Variants in DLG2 observed in about 807,000 individuals in gnomAD.
DLG2 encodes the protein discs large MAGUK scaffold protein 2.
A neutral mutation model predicts 132.5 loss-of-function variants in DLG2; 45 were observed. The observed-to-expected ratio is 0.34, with a 90% confidence interval of 0.27 to 0.44. The LOEUF (loss-of-function observed/expected upper bound fraction) is 0.44. Among genes scored for constraint, DLG2 ranks in the 20% least tolerant of loss-of-function variants. The pLI is 1.00. For synonymous variants in DLG2, 424 were observed against 419.6 expected, an observed-to-expected ratio of 1.01 and a Z score of -0.13; for missense variants, 1,045 against 1,196.9, an observed-to-expected ratio of 0.87 and a Z score of 1.87.
chr11:84,501,966 C>T (rs1356218186), intron 7 of DLG2, among the ~76,000 whole-genome samples: 1 of 152,092 alleles, frequency 6.6e-6, no homozygotes, highest in Non-Finnish European at 1.5e-5. Context: ...GAACCTTGGG[C>T]TGTACACCCC....
At chr11:84,391,572 T>C (rs924745871) in intron 7 of DLG2, among the ~76,000 whole-genome samples, 1 of 152,164 alleles carries the variant, frequency 6.6e-6, no homozygotes, top group African/African-American at 2.4e-5. Flanking sequence ...AATTCAAGCA[T>C]AACTGAAAGT....
intron 8 of DLG2, among the ~76,000 whole-genome samples, chr11:84,194,535 C>T (rs2096478616): frequency 6.6e-6 from 1 of 152,192 alleles, no homozygotes; most frequent in East Asian, 1.9e-4. Context: ...TGCTTTTATT[C>T]CCTTATCTGG....
chr11:83,758,346 C>T (rs2093742214), intron 18 of DLG2, among the ~76,000 whole-genome samples: 1 of 152,162 alleles, frequency 6.6e-6, no homozygotes. Flanking sequence ...TCCACCCACT[C>T]CCCATAACCC....
chr11:83,756,430 T>C (rs1352669172), intron 18 of DLG2, among the ~76,000 whole-genome samples: 2 of 151,500 alleles, frequency 1.3e-5, no homozygotes, highest in African/African-American at 4.9e-5. Context: ...ATAGCTTTTA[T>C]GCTAAAAGCA....
At chr11:83,678,376 C>T (rs1192320260) in intron 18 of DLG2, among the ~76,000 whole-genome samples, 1 of 152,164 alleles carries the variant, frequency 6.6e-6, no homozygotes, top group Admixed American at 6.5e-5. Context: ...GGACCCAGAA[C>T]AAGAACATAA....
chr11:84,179,943 C>T (rs1415412881), intron 8 of DLG2, among the ~76,000 whole-genome samples: 1 of 152,116 alleles, frequency 6.6e-6, no homozygotes, highest in African/African-American at 2.4e-5. Flanking sequence ...CAATACCTTG[C>T]CACTACATTA....
intron 6 of DLG2, among the ~76,000 whole-genome samples, chr11:85,072,172 A>T (rs2065952549): frequency 6.6e-6 from 1 of 151,762 alleles, no homozygotes; most frequent in Non-Finnish European, 1.5e-5. Flanking sequence ...TTACATTCTA[A>T]TTTTTACAAT....
chr11:84,965,065 C>G (rs2053133502), intron 6 of DLG2, among the ~76,000 whole-genome samples: 1 of 152,042 alleles, frequency 6.6e-6, no homozygotes, highest in African/African-American at 2.4e-5. Flanking sequence ...TTTGAGCACT[C>G]TATACATTGT....
At chr11:84,762,753 C>A (rs1565897866) in intron 6 of DLG2, among the ~76,000 whole-genome samples, 1 of 152,036 alleles carries the variant, frequency 6.6e-6, no homozygotes, top group Non-Finnish European at 1.5e-5. Flanking sequence ...GAAGTAGGTG[C>A]TTGAGATACA....
At chr11:85,393,392 T>C (rs1273789759) in intron 3 of DLG2, among the ~76,000 whole-genome samples, 1 of 152,110 alleles carries the variant, frequency 6.6e-6, no homozygotes, top group African/African-American at 2.4e-5. Flanking sequence ...ATACAACTAC[T>C]ATGGAAAACA....
At chr11:84,089,296 A>C (rs2097049229) in intron 10 of DLG2, among the ~76,000 whole-genome samples, 1 of 152,156 alleles carries the variant, frequency 6.6e-6, no homozygotes, top group South Asian at 2.1e-4. Context: ...AAAAACAAAC[A>C]AAAAAACCAA....
At chr11:85,348,624 C>G (rs187656621) in intron 3 of DLG2, among the ~76,000 whole-genome samples, 1 of 151,860 alleles carries the variant, frequency 6.6e-6, no homozygotes, top group East Asian at 1.9e-4. Flanking sequence ...TTATCTCTTT[C>G]CCCCCTCCAT....
intron 18 of DLG2, among the ~76,000 whole-genome samples, chr11:83,698,847 G>A (rs191675885): frequency 2.6e-5 from 4 of 152,086 alleles, no homozygotes; most frequent in Non-Finnish European, 5.9e-5. Flanking sequence ...CAGGGTCTGC[G>A]GCCAAGAGTT....
intron 6 of DLG2, among the ~76,000 whole-genome samples, chr11:84,828,604 A>G (rs1235369247): frequency 2.2e-4 from 34 of 151,796 alleles, no homozygotes; most frequent in Admixed American, 2.2e-3. Flanking sequence ...ATCTTCTCAT[A>G]TTTAATCTGC....
intron 11 of DLG2, among the ~76,000 whole-genome samples, chr11:84,027,848 T>C (rs1007632024): frequency 6.6e-5 from 10 of 152,072 alleles, no homozygotes; most frequent in African/African-American, 2.4e-4. Context: ...TAAAATAATG[T>C]AGGTCTATTT....
chr11:83,906,407 G>A (rs1026803884), intron 15 of DLG2, among the ~76,000 whole-genome samples: 2 of 151,656 alleles, frequency 1.3e-5, no homozygotes, highest in African/African-American at 2.4e-5. Context: ...TACATACATA[G>A]TTCGGGAGAT....
intron 19 of DLG2, chr11:83,632,454 C>T (rs1370995453): frequency 6.6e-6 from 1 of 152,044 alleles, no homozygotes. Flanking sequence ...CTTCCTTTTG[C>T]CTGTTAGTAC....
chr11:85,244,827 T>G (rs952742895), intron 4 of DLG2, among the ~76,000 whole-genome samples: 3 of 151,972 alleles, frequency 2.0e-5, no homozygotes, highest in Non-Finnish European at 4.4e-5. Context: ...ACAATACAGT[T>G]GTATTGCTTT....
chr11:85,478,918 A>C (rs577501522), intron 3 of DLG2, among the ~76,000 whole-genome samples: 151 of 152,332 alleles, frequency 9.9e-4, no homozygotes, highest in Non-Finnish European at 1.9e-3. Flanking sequence ...GCAAAATTTT[A>C]AGATTCTTAG....
Sources: allele counts gnomAD v4.1 joint callset (sites outside exome capture counted in the v4.1 genomes callset), GRCh38; gene constraint gnomAD v4.1.1; transcripts MANE v1.5; gene names NCBI Gene and HGNC (gene_info 2026-07-23, HGNC 2026-07-21).